Variants in EHMT1 observed in about 807,000 individuals in gnomAD.
EHMT1 encodes euchromatic histone lysine methyltransferase 1.
In EHMT1, 15 loss-of-function variants were observed where a neutral mutation model predicts 147.2. The ratio of observed to expected loss-of-function variants is 0.10; its 90% confidence interval spans 0.07 to 0.16. The LOEUF (loss-of-function observed/expected upper bound fraction) is 0.16. Ranked by LOEUF, EHMT1 falls within the 10% of genes least tolerant of loss-of-function variation. The pLI, the probability that EHMT1 is intolerant of heterozygous loss-of-function variation, is 1.00. For synonymous variants in EHMT1, 795 were observed against 709.6 expected (o/e 1.12, Z -1.91); for missense variants, 1,587 against 1,772.4 (o/e 0.90, Z 1.88).
intron 1 of EHMT1, among the ~76,000 whole-genome samples, chr9:137,647,412 A>T (rs1844975548): frequency 6.6e-6 from 1 of 152,260 alleles, no homozygotes; most frequent in East Asian, 1.9e-4. Flanking sequence ...GGCATTTCCC[A>T]GGAGACGCTG....
At chr9:137,639,200 A>G (rs1012952520) in intron 1 of EHMT1, among the ~76,000 whole-genome samples, 3 of 151,644 alleles carry the variant, frequency 2.0e-5, no homozygotes, top group Admixed American at 6.6e-5. Flanking sequence ...TATACTTTGT[A>G]TAGTTTCAGT....
intron 1 of EHMT1, among the ~76,000 whole-genome samples, chr9:137,695,481 AAAC>A (rs889253868): frequency 1.3e-5 from 2 of 152,218 alleles, no homozygotes; most frequent in Admixed American, 1.3e-4. Flanking sequence ...TCGGTGGCTG[AAAC>A]AACAATCATC....
chr9:137,634,707 C>CTTT (rs200814810), intron 1 of EHMT1, among the ~76,000 whole-genome samples: 2 of 123,492 alleles, frequency 1.6e-5, no homozygotes, highest in Non-Finnish European at 3.5e-5. Context: ...TTTCTTCTTT[C>CTTT]TTTTTTTTTT....
chr9:137,817,987 A>G, intron 24 of EHMT1, 73 bp from the exon 25 acceptor site: 5 of 1,400,042 alleles, frequency 3.6e-6, no homozygotes, highest in Non-Finnish European at 5.1e-6. Context: ...GTGGCTGCGG[A>G]GTCTGGGCTG....
intron 10 of EHMT1, chr9:137,763,136 A>AT (rs1422915271): frequency 1.1e-5 from 6 of 561,820 alleles, no homozygotes; most frequent in Non-Finnish European, 1.9e-5. Context: ...AAGTGAGTAG[A>AT]TTGAGGCAGG....
At chr9:137,810,697 ATTT>A (rs1052568037) in intron 18 of EHMT1, among the ~76,000 whole-genome samples, 1 of 150,238 alleles carries the variant, frequency 6.7e-6, no homozygotes, top group East Asian at 1.9e-4. Flanking sequence ...TTAAAGTAAA[ATTT>A]TTTGTTTTTT....
At chr9:137,664,723 A>G (rs1322875472) in intron 1 of EHMT1, among the ~76,000 whole-genome samples, 1 of 151,540 alleles carries the variant, frequency 6.6e-6, no homozygotes, top group African/African-American at 2.4e-5. Context: ...CATATGGGGG[A>G]GGGAGCCGAG....
rs1956489143 is a variant in EHMT1 at position 137,834,806 on chromosome 9, A to G, written c.3750A>G (p.Lys1250=). The change falls in exon 27 of 27, where the codon AAA becomes AAG. Residue 1250 remains lysine (K), a synonymous_variant. Transcript: ENST00000460843. ...ATGGAGAGCGCTTCTGGGACATCAAAGGCAAGCTCTTCAGCTGCCGCTGCG... is the reference window on the plus strand; with the variant it reads ...ATGGAGAGCGCTTCTGGGACATCAAGGGCAAGCTCTTCAGCTGCCGCTGCG... The part of the protein sequence containing the change: ...FDYGERFWDI[K]GKLFSCRCGS... The G allele has an allele frequency of 1.2e-6, 2 of 1,612,852 alleles. No individual in the cohort carries two copies. Among genetic ancestry groups the G allele is most frequent in the Non-Finnish European group, 1.7e-6 (2 of 1,179,686 alleles).
chr9:137,816,288 G>A, intron 23 of EHMT1: 1 of 600,160 alleles, frequency 1.7e-6, no homozygotes, highest in Non-Finnish European at 3.1e-6. Flanking sequence ...ATGAGAGAAG[G>A]AGCAGGTTGT....
intron 1 of EHMT1, among the ~76,000 whole-genome samples, chr9:137,695,270 A>C (rs1943307166): frequency 6.6e-6 from 1 of 152,180 alleles, no homozygotes; most frequent in Non-Finnish European, 1.5e-5. Flanking sequence ...TACAGACTAC[A>C]GCCGTTGAGC....
At chr9:137,759,379 T>C (rs1019267335) in intron 9 of EHMT1, among the ~76,000 whole-genome samples, 6 of 152,184 alleles carry the variant, frequency 3.9e-5, no homozygotes, top group Non-Finnish European at 8.8e-5. Context: ...TAAATAGTAT[T>C]TCATTTTGTC....
At position 137,813,444 on chromosome 9, in the gene EHMT1, G is replaced by A. The variant is rs765569983; in HGVS notation, c.3094G>A (p.Glu1032Lys). Reference protein sequence around the residue: ...PIPCVNAVDSEPCPSNYKYVS... With the variant: ...PIPCVNAVDSKPCPSNYKYVS... ...CCCCTGTGTCAACGCCGTGGACAGC[G>A]AGCCATGCCCCAGCAACTACAAGTA... is the stretch of plus-strand genomic sequence containing the variant. The change falls in exon 21 of 27, where the codon GAG (glutamate) becomes AAG (lysine). Residue 1032 changes from glutamate to lysine, a missense_variant. Physicochemically the swap from Glu to Lys is moderately conservative, Grantham distance 56. Transcript: ENST00000460843. The surrounding 1 kb of genome is among the most constrained non-coding windows in gnomAD (Gnocchi z 4.9). The A allele has an allele frequency of 2.2e-5, 35 of 1,613,734 alleles. No homozygotes were observed. Among genetic ancestry groups the A allele is most frequent in the African/African-American group, 8.0e-5 (6 of 74,914 alleles).
intron 3 of EHMT1, among the ~76,000 whole-genome samples, chr9:137,718,381 G>A (rs557182079): frequency 2.2e-4 from 33 of 152,366 alleles, no homozygotes; most frequent in African/African-American, 7.0e-4. Context: ...TCACATTCCC[G>A]TGGAATTTTC....
rs201748680 is a variant in EHMT1 at position 137,626,529 on chromosome 9, CAAAAAAAA to C, written c.21+7491_21+7498del. 2.6e-4 allele frequency among the ~76,000 whole-genome samples: 21 copies of C among 80,742 alleles called. No homozygotes were observed. In the East Asian group the frequency reaches 6.5e-3, roughly 25 times the overall value. 53.0% of individuals were successfully genotyped at this position (80,742 alleles called of 152,430 possible). On this transcript the variant is annotated intron_variant, in intron 1 of 26. Transcript: ENST00000460843. ...CAGAGTGAGAGAGACTGTCTCTAAC[CAAAAAAAA>C]AAAAAAAAAAGTTGTTTCCTTCATT...
At chr9:137,704,697 C>G (rs1228517715) in intron 1 of EHMT1, among the ~76,000 whole-genome samples, 1 of 151,824 alleles carries the variant, frequency 6.6e-6, no homozygotes, top group Admixed American at 6.6e-5. Flanking sequence ...TTTAAAAGGC[C>G]CTTTACTTGA....
intron 3 of EHMT1, among the ~76,000 whole-genome samples, chr9:137,720,047 G>A (rs3123506): frequency 5.6e-5 from 3 of 54,052 alleles, no homozygotes; most frequent in East Asian, 7.3e-4. Flanking sequence ...CCACACCAGG[G>A]CACAGTCGAG....
chr9:137,643,083 G>A (rs1036279543), intron 1 of EHMT1, among the ~76,000 whole-genome samples: 3 of 151,718 alleles, frequency 2.0e-5, no homozygotes, highest in African/African-American at 7.3e-5. Flanking sequence ...GGGTCTCACT[G>A]TGTTGCCCAG....
At position 137,779,678 on chromosome 9, in the gene EHMT1, G is replaced by T. The variant is rs970059219; in HGVS notation, c.2236G>T (p.Ala746Ser). 3.1e-6 allele frequency: 5 copies of T among 1,613,722 alleles called. No homozygotes were observed. Among genetic ancestry groups the T allele is most frequent in the East Asian group, 4.5e-5 (2 of 44,894 alleles). The change falls in exon 14 of 27, where the codon GCC becomes TCC. Residue 746 changes from alanine (A) to serine (S), a missense_variant. Ala to Ser is a moderately conservative substitution (Grantham distance 99, BLOSUM62 1). Transcript: ENST00000460843. Reference protein sequence around the residue: ...RFHPKQLYFSARQGELQKVLL... With the variant: ...RFHPKQLYFSSRQGELQKVLL... ...CCACCCAAAGCAGCTGTACTTCTCC[G>T]CCAGGCAAGGGGAGCTTCAGAAGGT...
Position 137,743,465 on chromosome 9 carries a change from A to G in EHMT1, c.918A>G (p.Val306=), listed in dbSNP as rs1201097914. 6.8e-6 allele frequency: 11 copies of G among 1,613,962 alleles called. No individual in the cohort carries two copies. The African/African-American group carries it at 8.0e-5, about 12-fold the overall frequency. ...TGGTTCCTAAGAAAAAGACCAAAGT[A>G]TTAAAACAGAGGACGGTGATTGAGA... is the stretch of plus-strand genomic sequence containing the variant. ...YSLVPKKKTK[V]LKQRTVIEMF... is the part of the protein sequence containing the mutation. The change falls in exon 5 of 27, where the codon GTA becomes GTG. Residue 306 remains valine, a synonymous_variant. Coordinates refer to ENST00000460843, the MANE Select transcript of EHMT1 (RefSeq NM_024757.5).
Sources: allele counts gnomAD v4.1 joint callset (sites outside exome capture counted in the v4.1 genomes callset), GRCh38; gene constraint gnomAD v4.1.1; non-coding constraint Gnocchi (gnomAD v3.1); transcripts MANE v1.5; gene names NCBI Gene and HGNC (gene_info 2026-07-23, HGNC 2026-07-21).